The following EPB41L4B variants were observed in gnomAD, a reference collection of about 807,000 sequenced individuals.
EPB41L4B encodes band 4.1-like protein 4B.
EPB41L4B carries 30 observed loss-of-function variants against 112.5 expected under a neutral mutation model. That is an observed-to-expected ratio of 0.27 (90% CI 0.20 to 0.36). The LOEUF (loss-of-function observed/expected upper bound fraction) is 0.36, where lower values mean the gene tolerates loss of function less well. Among genes scored for constraint, EPB41L4B ranks in the 10% least tolerant of loss-of-function variants. The pLI is 1.00. For missense variants in EPB41L4B, 1,024 were observed against 1,133.3 expected (o/e 0.90, Z 1.38); for synonymous variants, 408 against 439.7 (o/e 0.93, Z 0.90).
At position 109,280,290 on chromosome 9, in the gene EPB41L4B, T is replaced by C. The variant is rs55755744; in HGVS notation, c.307-369A>G. ...TAGCAAAAGCTGGGCTGTTTCTCAA[T>C]GCAGGCAACCTTACTTAGGAAAGAA... On this transcript the variant is annotated intron_variant, in intron 1 of 25. Coordinates refer to ENST00000374566, the MANE Select transcript of EPB41L4B (RefSeq NM_019114.5). Among the ~76,000 whole-genome samples, 349 of 152,340 alleles carry C rather than the reference T, an allele frequency of 2.3e-3. 1 individual carries two copies. Among genetic ancestry groups the C allele is most frequent in the Non-Finnish European group, 4.2e-3 (284 of 68,028 alleles).
intron 1 of EPB41L4B, among the ~76,000 whole-genome samples, chr9:109,284,388 G>A (rs77832049): frequency 0.018 from 2,701 of 152,246 alleles, 37 homozygotes; most frequent in Non-Finnish European, 0.029. Flanking sequence ...ATGAAGCATA[G>A]AGAAACCGCG....
intron 15 of EPB41L4B, among the ~76,000 whole-genome samples, chr9:109,237,528 T>C (rs1190646895): frequency 2.0e-5 from 3 of 152,136 alleles, no homozygotes; most frequent in Non-Finnish European, 2.9e-5. Context: ...AAGGAAGCCA[T>C]AGAGTGGACC....
chr9:109,300,658 C>T (rs148423476), intron 1 of EPB41L4B, among the ~76,000 whole-genome samples: 4 of 152,110 alleles, frequency 2.6e-5, no homozygotes, highest in African/African-American at 4.8e-5. Context: ...TGGTGATGGG[C>T]GCCCATAATC....
At chr9:109,273,169 A>AT (rs1483320194) in intron 2 of EPB41L4B, among the ~76,000 whole-genome samples, 1 of 151,946 alleles carries the variant, frequency 6.6e-6, no homozygotes, top group Non-Finnish European at 1.5e-5. Context: ...CAGCACCAGT[A>AT]TTTGCACGTG....
intron 1 of EPB41L4B, among the ~76,000 whole-genome samples, chr9:109,295,271 C>A (rs527796592): frequency 6.6e-6 from 1 of 152,138 alleles, no homozygotes; most frequent in African/African-American, 2.4e-5. Context: ...AAGTTCTTAG[C>A]TTTGAACATC....
intron 19 of EPB41L4B, among the ~76,000 whole-genome samples, chr9:109,201,455 A>AAAAAAAAG (rs1832825946): frequency 1.4e-5 from 2 of 137,992 alleles, no homozygotes; most frequent in African/African-American, 2.7e-5. Context: ...GTCTCAAAAA[A>AAAAAAAAG]AAAAAAAAAA....
At chr9:109,309,633 C>T (rs923464160) in intron 1 of EPB41L4B, among the ~76,000 whole-genome samples, 1 of 152,140 alleles carries the variant, frequency 6.6e-6, no homozygotes, top group Non-Finnish European at 1.5e-5. Context: ...GATGCAGCAG[C>T]TCATGCCTAT....
intron 15 of EPB41L4B, among the ~76,000 whole-genome samples, chr9:109,218,635 A>C (rs1268160228): frequency 3.3e-5 from 5 of 149,434 alleles, no homozygotes; most frequent in African/African-American, 1.2e-4. Flanking sequence ...CCCCGCCCCC[A>C]GTCTTGGCCC....
At chr9:109,232,953 T>G (rs1834004115) in intron 15 of EPB41L4B, among the ~76,000 whole-genome samples, 2 of 152,226 alleles carry the variant, frequency 1.3e-5, no homozygotes, top group South Asian at 4.1e-4. Context: ...CTTAATGGTT[T>G]AATTGCCTTT....
chr9:109,304,685 G>T (rs373550868), intron 1 of EPB41L4B, among the ~76,000 whole-genome samples: 1 of 152,158 alleles, frequency 6.6e-6, no homozygotes, highest in African/African-American at 2.4e-5. Context: ...CTACTCCATG[G>T]GGGGATGAGG....
chr9:109,241,404 T>C (rs1227793006), intron 15 of EPB41L4B: 2 of 1,222,972 alleles, frequency 1.6e-6, no homozygotes, highest in East Asian at 3.9e-5. Flanking sequence ...ACATAGACTT[T>C]GACTCCAATT....
At chr9:109,248,244 C>T (rs1834635647) in intron 13 of EPB41L4B, among the ~76,000 whole-genome samples, 1 of 152,252 alleles carries the variant, frequency 6.6e-6, no homozygotes, top group Admixed American at 6.5e-5. Flanking sequence ...CCACTGGGTA[C>T]TGTGGTGGGA....
chr9:109,307,628 G>A (rs949489669), intron 1 of EPB41L4B, among the ~76,000 whole-genome samples: 1 of 152,212 alleles, frequency 6.6e-6, no homozygotes, highest in Admixed American at 6.5e-5. Flanking sequence ...GCAGGCAAGA[G>A]CAATAAAAGG....
intron 14 of EPB41L4B, among the ~76,000 whole-genome samples, chr9:109,244,315 GAGA>G (rs1023233941): frequency 1.3e-5 from 2 of 151,102 alleles, no homozygotes; most frequent in African/African-American, 4.9e-5. Flanking sequence ...GAGAGAGTTT[GAGA>G]AGAAGGGATG....
intron 1 of EPB41L4B, among the ~76,000 whole-genome samples, chr9:109,314,447 A>T (rs769671806): frequency 6.6e-6 from 1 of 152,220 alleles, no homozygotes; most frequent in Non-Finnish European, 1.5e-5. Context: ...ATATTTGTTC[A>T]GAGCCCTGTA....
chr9:109,236,195 G>T (rs1834135165), intron 15 of EPB41L4B, among the ~76,000 whole-genome samples: 1 of 152,158 alleles, frequency 6.6e-6, no homozygotes, highest in African/African-American at 2.4e-5. Flanking sequence ...GAATTCCCTA[G>T]TCCCTTGCTT....
chr9:109,211,909 G>A (rs977148675), intron 17 of EPB41L4B, among the ~76,000 whole-genome samples: 2 of 150,500 alleles, frequency 1.3e-5, no homozygotes, highest in Non-Finnish European at 3.0e-5. Flanking sequence ...AGAGATGGGG[G>A]GGGTCTCGCC....
Position 109,320,235 on chromosome 9 carries a change from G to A in EPB41L4B, c.212C>T (p.Ala71Val), listed in dbSNP as rs1228619188. The A allele has an allele frequency of 3.1e-6, 4 of 1,290,914 alleles. No individual in the cohort carries two copies. In the African/African-American group the frequency reaches 6.2e-5, roughly 20 times the overall value. 80.0% of individuals were successfully genotyped at this position (1,290,914 alleles called of 1,614,324 possible). ...AGGGPLLTGG[A>V]AVHISAAGAA... ...GCCGGCGGCGGAGATGTGCACGGCCGCGCCGCCGGTGAGCAGGGGCCCGCC... is the reference window on the plus strand; with the variant it reads ...GCCGGCGGCGGAGATGTGCACGGCCACGCCGCCGGTGAGCAGGGGCCCGCC... The change falls in exon 1 of 26, where the codon GCG becomes GTG. Residue 71 changes from alanine (A) to valine (V), a missense_variant. Transcript: ENST00000374566.
intron 2 of EPB41L4B, among the ~76,000 whole-genome samples, chr9:109,273,759 T>C (rs1320704822): frequency 6.6e-6 from 1 of 152,126 alleles, no homozygotes; most frequent in Non-Finnish European, 1.5e-5. Flanking sequence ...CTATGGAAAC[T>C]GCACTGAACC....
Sources: gnomAD v4.1 joint callset for allele counts (sites outside exome capture counted in the v4.1 genomes callset) on GRCh38, gnomAD v4.1.1 for gene constraint, MANE v1.5 for transcripts, NCBI Gene and HGNC (gene_info 2026-07-23, HGNC 2026-07-21) for gene names.